The following ASTN2 variants were observed in gnomAD, a reference collection of about 807,000 sequenced individuals.
ASTN2 encodes astrotactin-2.
In ASTN2, 54 loss-of-function variants were observed where a neutral mutation model predicts 139.8. The observed-to-expected ratio is 0.39, with a 90% CI of 0.31 to 0.48. The LOEUF (loss-of-function observed/expected upper bound fraction) is 0.48. ASTN2 is among the 20% of genes least tolerant of loss of function. The probability of loss-of-function intolerance (pLI) is 0.95; values close to 1 mark genes in which losing one functional copy is unlikely to be tolerated. For missense variants in ASTN2, 1,565 were observed against 1,725.1 expected (o/e 0.91, Z 1.64); for synonymous variants, 756 against 719.5 (o/e 1.05, Z -0.81).
chr9:116,610,012 T>C (rs768043215), intron 19 of ASTN2, among the ~76,000 whole-genome samples: 33 of 151,498 alleles, frequency 2.2e-4, no homozygotes, highest in Non-Finnish European at 4.4e-4. Flanking sequence ...ATAAAAACTA[T>C]CCAAAAGAAG....
chr9:116,441,196 C>T lies in ASTN2; in HGVS notation c.3599-404G>A, dbSNP rs1588060998. Among the ~76,000 whole-genome samples the T allele has an allele frequency of 2.6e-5, 4 of 152,140 alleles. No individual in the cohort carries two copies. The East Asian group carries it at 5.8e-4, about 22-fold the overall frequency. The stretch of plus-strand genomic sequence containing the variant: ...TTCTATTTCCCCTTTGTTGTATTTC[C>T]AACACATTTCTGTGATCAGGTCTGA... On this transcript the variant is annotated intron_variant, in intron 21 of 22. Transcript: ENST00000313400.
At chr9:117,284,628 T>A (rs1024880998) in intron 2 of ASTN2, among the ~76,000 whole-genome samples, 2 of 152,240 alleles carry the variant, frequency 1.3e-5, no homozygotes, top group Non-Finnish European at 2.9e-5. Context: ...ATAATAAATG[T>A]CTGTCTTTTA....
At chr9:117,183,180 A>C (rs1831117993) in intron 3 of ASTN2, among the ~76,000 whole-genome samples, 1 of 152,138 alleles carries the variant, frequency 6.6e-6, no homozygotes, top group Non-Finnish European at 1.5e-5. Context: ...AGTTGGTTCA[A>C]GTCTCCAGTC....
chr9:117,316,893 A>T (rs1828161199), intron 1 of ASTN2, among the ~76,000 whole-genome samples: 1 of 152,152 alleles, frequency 6.6e-6, no homozygotes, highest in East Asian at 1.9e-4. Context: ...TCCAAGAAAG[A>T]TGCAGTGAGG....
chr9:117,254,048 G>A (rs1224811210), intron 2 of ASTN2, among the ~76,000 whole-genome samples: 4 of 152,168 alleles, frequency 2.6e-5, no homozygotes, highest in African/African-American at 9.7e-5. Context: ...GGCAGGGGAG[G>A]TGAAGGTGAA....
chr9:116,936,739 G>T (rs1359975641), intron 10 of ASTN2, among the ~76,000 whole-genome samples: 1 of 152,136 alleles, frequency 6.6e-6, no homozygotes, highest in African/African-American at 2.4e-5. Context: ...TTTGAAGGGT[G>T]AATCTGGTGG....
intron 16 of ASTN2, among the ~76,000 whole-genome samples, chr9:116,684,645 T>C (rs1410170797): frequency 1.3e-5 from 2 of 152,106 alleles, no homozygotes; most frequent in Non-Finnish European, 2.9e-5. Flanking sequence ...CCTGCATGAG[T>C]CGCTCAGACA....
chr9:117,127,404 T>C (rs1018254943), intron 4 of ASTN2, among the ~76,000 whole-genome samples: 1 of 152,128 alleles, frequency 6.6e-6, no homozygotes, highest in African/African-American at 2.4e-5. Flanking sequence ...CTGCAAATCT[T>C]TATAACTAGA....
intron 5 of ASTN2, among the ~76,000 whole-genome samples, chr9:117,064,505 C>T (rs982380729): frequency 1.6e-4 from 24 of 152,128 alleles, no homozygotes; most frequent in East Asian, 5.8e-4. Context: ...TTGGCAGCAA[C>T]GTAAATGGAA....
At chr9:117,135,440 G>T (rs1354209699) in intron 4 of ASTN2, among the ~76,000 whole-genome samples, 6 of 152,196 alleles carry the variant, frequency 3.9e-5, no homozygotes, top group Admixed American at 3.3e-4. Flanking sequence ...TTTGCATACT[G>T]TGAGCTCCCA....
chr9:116,581,626 A>ACTGACATATTGCATGCATGAATT (rs1311198213), intron 19 of ASTN2, among the ~76,000 whole-genome samples: 1 of 152,196 alleles, frequency 6.6e-6, no homozygotes, highest in African/African-American at 2.4e-5. Flanking sequence ...ATATTGCATG[A>ACTGACATATTGCATGCATGAATT]TCTGAGCTAA....
At chr9:116,991,091 C>T (rs1470961517) in intron 7 of ASTN2, among the ~76,000 whole-genome samples, 1 of 152,120 alleles carries the variant, frequency 6.6e-6, no homozygotes. Context: ...ATTAAGAGAC[C>T]ATTCAACATC....
intron 6 of ASTN2, among the ~76,000 whole-genome samples, chr9:117,038,685 T>C (rs1323054569): frequency 6.6e-6 from 1 of 152,240 alleles, no homozygotes; most frequent in African/African-American, 2.4e-5. Context: ...AGTTAAGGTA[T>C]GCCTTCTTTA....
At chr9:116,979,693 A>G (rs2132532561) in intron 7 of ASTN2, among the ~76,000 whole-genome samples, 1 of 152,136 alleles carries the variant, frequency 6.6e-6, no homozygotes, top group Admixed American at 6.5e-5. Context: ...ATAATGGGAG[A>G]GGTAAAATGG....
intron 7 of ASTN2, among the ~76,000 whole-genome samples, chr9:116,977,674 T>C (rs1410297370): frequency 1.3e-5 from 2 of 152,006 alleles, no homozygotes; most frequent in Non-Finnish European, 2.9e-5. Flanking sequence ...GCTGTTGTCA[T>C]ATCTGCTCTA....
chr9:117,021,987 C>T (rs1837898295), intron 6 of ASTN2, among the ~76,000 whole-genome samples: 1 of 152,064 alleles, frequency 6.6e-6, no homozygotes, highest in Admixed American at 6.6e-5. Flanking sequence ...AACACAATAA[C>T]CAAGACTCCT....
chr9:117,179,342 T>A (rs1234583603), intron 3 of ASTN2, among the ~76,000 whole-genome samples: 4 of 150,922 alleles, frequency 2.7e-5, no homozygotes, highest in African/African-American at 9.9e-5. Context: ...GGGATATATA[T>A]GTGTGTGTGT....
At chr9:117,044,034 CA>C (rs981137313) in intron 5 of ASTN2, among the ~76,000 whole-genome samples, 1 of 151,922 alleles carries the variant, frequency 6.6e-6, no homozygotes, top group South Asian at 2.1e-4. Context: ...ACTTAGCCAT[CA>C]GGGGTGTTGT....
chr9:116,758,132 T>C (rs1256190222), intron 13 of ASTN2, among the ~76,000 whole-genome samples: 2 of 152,160 alleles, frequency 1.3e-5, no homozygotes, highest in Non-Finnish European at 2.9e-5. Context: ...ATTGGATTGT[T>C]TGGGAATCAA....
Sources: allele counts gnomAD v4.1 joint callset (sites outside exome capture counted in the v4.1 genomes callset), GRCh38; gene constraint gnomAD v4.1.1; transcripts MANE v1.5; gene names NCBI Gene and HGNC (gene_info 2026-07-23, HGNC 2026-07-21).